Variants in ITGB2 observed in about 807,000 individuals in gnomAD.
ITGB2 encodes integrin beta-2.
In ITGB2, 56 loss-of-function variants were observed where a neutral mutation model predicts 86.8. The ratio of observed to expected loss-of-function variants is 0.65; its 90% confidence interval spans 0.52 to 0.81. ITGB2 has a LOEUF of 0.81. ITGB2 is among the 30% of genes least tolerant of loss of function. The probability of loss-of-function intolerance (pLI) is 0.00; values close to 1 mark genes in which losing one functional copy is unlikely to be tolerated. For synonymous variants in ITGB2, 457 were observed against 450.4 expected, an observed-to-expected ratio of 1.01 and a Z score of -0.19; for missense variants, 948 against 1,061.2, an observed-to-expected ratio of 0.89 and a Z score of 1.48.
rs1171956010 is a variant in ITGB2, at chr21:44,890,111, C to T, written c.1524G>A (p.Gly508=). 8.1e-6 allele frequency: 13 copies of T among 1,613,330 alleles called. No individual in the cohort carries two copies. The highest frequency in any genetic ancestry group is 1.1e-5 in the Non-Finnish European group (13 of 1,180,016). ...RKDNNSIICS[G]LGDCVCGQCL... is the part of the protein sequence containing the mutation. ...ACTGCCCGCAGACACAGTCCCCCAGCCCTGAGCAGATGATGGAGTTGTTGT... is the reference window on the plus strand; with the variant it reads ...ACTGCCCGCAGACACAGTCCCCCAGTCCTGAGCAGATGATGGAGTTGTTGT... Residue 508 remains glycine (G), a synonymous_variant, in exon 12 of 16, where the codon GGG becomes GGA. Transcript: ENST00000652462.
intron 8 of ITGB2, among the ~76,000 whole-genome samples, chr21:44,897,657 T>C (rs2083888910): frequency 6.6e-6 from 1 of 152,150 alleles, no homozygotes; most frequent in Non-Finnish European, 1.5e-5. Context: ...GTAACAGAGC[T>C]GGGTGTGAGG....
chr21:44,911,334 C>A lies in ITGB2; in HGVS notation c.-3-549G>T, dbSNP rs915462033. On this transcript the variant is annotated intron_variant, in intron 1 of 15. Transcript: ENST00000652462. The stretch of plus-strand genomic sequence containing the variant: ...ACACCACACGCACACACCATACACA[C>A]GTGCAAATGTACACGCACACAAACA... The A allele has an allele frequency of 5.8e-5, 10 of 173,010 alleles. No individual in the cohort carries two copies. The South Asian group carries it at 1.2e-3, about 21-fold the overall frequency. 10.7% of individuals were successfully genotyped at this position (173,010 alleles called of 1,614,324 possible).
In ITGB2 at chr21:44,886,323, G is replaced by A; in HGVS notation, c.*45C>T. On this transcript the variant is annotated 3_prime_UTR_variant, in exon 16 of 16. Coordinates refer to ENST00000652462, the MANE Select transcript of ITGB2 (RefSeq NM_000211.5). ...AAGCCATGTCTCGGCCGCGTGATGG[G>A]GCAGACATGGTGGGTCCTGACGGCC... 1 of 1,535,122 alleles carries A rather than the reference G, an allele frequency of 6.5e-7. No individual in the cohort carries two copies. The highest frequency in any genetic ancestry group is 1.4e-5 in the African/African-American group (1 of 73,428).
At chr21:44,900,727 A>G (rs747873376) in intron 6 of ITGB2, among the ~76,000 whole-genome samples, 10 of 152,170 alleles carry the variant, frequency 6.6e-5, no homozygotes, top group African/African-American at 2.4e-4. Context: ...AAGGAGAGAG[A>G]CACGGCTGCG....
At chr21:44,900,289 CGGTGCCTG>C (rs1568891243) in intron 7 of ITGB2, 23 bp downstream of exon 7, 7 of 1,614,008 alleles carry the variant, frequency 4.3e-6, no homozygotes, top group Admixed American at 1.7e-5. Flanking sequence ...TCCTGCCAGG[CGGTGCCTG>C]GGTGCCTGGG....
intron 1 of ITGB2, among the ~76,000 whole-genome samples, chr21:44,919,944 G>T (rs1470273960): frequency 6.6e-6 from 1 of 152,204 alleles, no homozygotes; most frequent in Non-Finnish European, 1.5e-5. Context: ...GGGACCCAGG[G>T]GCGTGGCTTC....
At chr21:44,898,269 G>T (rs1333491770) in intron 8 of ITGB2, among the ~76,000 whole-genome samples, 1 of 152,192 alleles carries the variant, frequency 6.6e-6, no homozygotes, top group Admixed American at 6.5e-5. Flanking sequence ...ACACATCATC[G>T]CTGGGAGGAT....
At chr21:44,903,588 G>A in intron 4 of ITGB2, 53 bp from the exon 5 acceptor site, 1 of 1,607,372 alleles carries the variant, frequency 6.2e-7, no homozygotes, top group African/African-American at 1.3e-5. Context: ...CACACAGGGT[G>A]TCTGGGGGCG....
chr21:44,908,191 C>A (rs577637143), intron 3 of ITGB2: 1 of 711,344 alleles, frequency 1.4e-6, no homozygotes, highest in Non-Finnish European at 2.6e-6. Flanking sequence ...CCCTGTGGGA[C>A]GCAAAATTGA....
rs140460656 is a variant in ITGB2 at position 44,901,922 on chromosome 21, C to G, written c.500-189G>C. 1.6e-5 allele frequency: 10 copies of G among 640,678 alleles called. No individual in the cohort carries two copies. The African/African-American group carries it at 1.8e-4, about 12-fold the overall frequency. The allele number at this position is 640,678 out of a possible 1,614,324, so 39.7% of individuals were successfully genotyped here. A position where few individuals can be genotyped will look rare whatever the true frequency, so the allele number is the denominator to read the frequency against. On this transcript the variant is annotated intron_variant, in intron 5 of 15. Coordinates refer to ENST00000652462, the MANE Select transcript of ITGB2 (RefSeq NM_000211.5). ...AAGCACACATGTGAACGTATGTGGGCGTGTGTGTGAACCTGGGAGTGTGCA... is the reference window on the plus strand; with the variant it reads ...AAGCACACATGTGAACGTATGTGGGGGTGTGTGTGAACCTGGGAGTGTGCA...
chr21:44,925,444 G>GAAGA (rs1313652838), upstream of ITGB2, among the ~76,000 whole-genome samples: 2 of 147,686 alleles, frequency 1.4e-5, no homozygotes, highest in Non-Finnish European at 3.0e-5. Flanking sequence ...AGGAAGGAAG[G>GAAGA]AAGGAAGGAA....
intron 4 of ITGB2, among the ~76,000 whole-genome samples, chr21:44,906,124 G>A (rs982245285): frequency 2.0e-5 from 3 of 150,076 alleles, no homozygotes; most frequent in African/African-American, 5.0e-5. Flanking sequence ...AGGGAGCTTC[G>A]TTTCTTCCCT....
rs764171169 is a variant in ITGB2 at position 44,901,615 on chromosome 21, G to A, written c.618C>T (p.His206=). Residue 206 remains histidine (H), a synonymous_variant, in exon 6 of 16, where the codon CAC becomes CAT. Transcript: ENST00000652462. ...KECQPPFAFR[H]VLKLTNNSNQ... is the part of the protein sequence containing the mutation. ...TGGAGTTGTTGGTCAGCTTCAGCAC[G>A]TGCCTGAAGGCAAACGGGGGCTGGC... 5.8e-5 allele frequency: 93 copies of A among 1,614,260 alleles called. No individual in the cohort carries two copies. The highest frequency in any genetic ancestry group is 3.6e-4 in the East Asian group (16 of 44,886).
At position 44,886,373 on chromosome 21, in the gene ITGB2, T is replaced by G; in HGVS notation, c.2305A>C (p.Ser769Arg). The G allele has an allele frequency of 6.2e-7, 1 of 1,614,054 alleles. No individual in the cohort carries two copies. The highest frequency in any genetic ancestry group is 8.5e-7 in the Non-Finnish European group (1 of 1,179,948). Residue 769 changes from serine to arginine, a missense_variant, in exon 16 of 16, where the codon AGT becomes CGT. Ser to Arg is a moderately radical substitution (Grantham distance 110). Transcript: ENST00000652462. ...CTTGTCTTCACCAAGTGCTCCTAAC[T>G]CTCAGCAAACTTGGGGTTCATGACC... ...TTVMNPKFAE[S>R]
At chr21:44,915,931 T>C (rs2084202915) in intron 1 of ITGB2, among the ~76,000 whole-genome samples, 1 of 152,190 alleles carries the variant, frequency 6.6e-6, no homozygotes, top group African/African-American at 2.4e-5. Flanking sequence ...GTTTGTTTGT[T>C]TGTTTTTTTG....
intron 5 of ITGB2, among the ~76,000 whole-genome samples, chr21:44,902,554 T>G (rs1343533275): frequency 6.6e-6 from 1 of 152,030 alleles, no homozygotes; most frequent in African/African-American, 2.4e-5. Flanking sequence ...CATTCACGTG[T>G]GTGTGCATTT....
chr21:44,918,405 A>T (rs1291187835), intron 1 of ITGB2, among the ~76,000 whole-genome samples: 1 of 152,248 alleles, frequency 6.6e-6, no homozygotes, highest in Non-Finnish European at 1.5e-5. Context: ...GGCCTGGGCC[A>T]GAGTGGACAG....
In ITGB2 at chr21:44,895,089, C is replaced by T. The variant is rs377306754; in HGVS notation, c.994-29G>A. On this transcript the variant is annotated intron_variant, in intron 8 of 15. Coordinates refer to ENST00000652462, the MANE Select transcript of ITGB2 (RefSeq NM_000211.5). ...TTGGGCAAGAAGACCAGACATGGCA[C>T]GGCTAGGACCTGTGCCACGGCATCT... 9.6e-5 allele frequency: 147 copies of T among 1,533,110 alleles called. 1 individual carries two copies. Among genetic ancestry groups the T allele is most frequent in the Non-Finnish European group, 1.2e-4 (131 of 1,107,766 alleles). 95.0% of individuals were successfully genotyped at this position (1,533,110 alleles called of 1,614,324 possible). A position where few individuals can be genotyped will look rare whatever the true frequency, so the allele number is the denominator to read the frequency against.
At position 44,920,552 on chromosome 21, in the gene ITGB2, G is replaced by A. The variant is rs139586460; in HGVS notation, c.-4+269C>T. On this transcript the variant is annotated intron_variant, in intron 1 of 15. Transcript: ENST00000652462. ...GGCCCAGCCTCTTCCTGGCCTTGCC[G>A]GCCTCACAGCCCCTTGTCCTCCCAT... Among the ~76,000 whole-genome samples the A allele has an allele frequency of 4.4e-4, 67 of 152,278 alleles. 1 individual carries two copies. The East Asian group carries it at 9.1e-3, about 21-fold the overall frequency.
Sources: allele counts gnomAD v4.1 joint callset (sites outside exome capture counted in the v4.1 genomes callset), GRCh38; gene constraint gnomAD v4.1.1; transcripts MANE v1.5; gene names NCBI Gene and HGNC (gene_info 2026-07-23, HGNC 2026-07-21).